CGNL1: variants seen among roughly 807,000 people sequenced by gnomAD.
The protein encoded by CGNL1 is cingulin-like protein 1.
Under a neutral mutation model 141.2 loss-of-function variants are expected in CGNL1, and 132 were observed. The ratio of observed to expected loss-of-function variants is 0.93; its 90% CI spans 0.81 to 1.08. The LOEUF (loss-of-function observed/expected upper bound fraction) is 1.08. Ranked by LOEUF, CGNL1 falls within the 50% of genes least tolerant of loss-of-function variation. CGNL1 has a pLI of 0.00. For missense variants in CGNL1, 1,870 were observed against 1,588.6 expected, an observed-to-expected ratio of 1.18 and a Z score of -3.01; for synonymous variants, 690 against 622.1, an observed-to-expected ratio of 1.11 and a Z score of -1.63.
intron 1 of CGNL1, among the ~76,000 whole-genome samples, chr15:57,419,641 C>T (rs1479751854): frequency 6.6e-6 from 1 of 152,108 alleles, no homozygotes; most frequent in Non-Finnish European, 1.5e-5. Context: ...TATGGGGCTT[C>T]TATGTGGGAG....
intron 8 of CGNL1, among the ~76,000 whole-genome samples, chr15:57,463,126 G>C (rs1186349638): frequency 2.0e-5 from 3 of 152,128 alleles, no homozygotes; most frequent in Non-Finnish European, 2.9e-5. Flanking sequence ...ACTTAATGTG[G>C]TGTATTCTGG....
intron 1 of CGNL1, among the ~76,000 whole-genome samples, chr15:57,380,834 G>A (rs1316901352): frequency 6.6e-6 from 1 of 152,206 alleles, no homozygotes; most frequent in Non-Finnish European, 1.5e-5. Context: ...GGTAAAGTAA[G>A]CTTAGTAGCG....
chr15:57,502,109 A>C (rs1348862577), intron 8 of CGNL1, among the ~76,000 whole-genome samples: 3 of 152,196 alleles, frequency 2.0e-5, no homozygotes, highest in Non-Finnish European at 2.9e-5. Context: ...CTTTGAGAGA[A>C]GACTTAGTAC....
chr15:57,475,447 A>T (rs1408894628), intron 8 of CGNL1, among the ~76,000 whole-genome samples: 1 of 151,992 alleles, frequency 6.6e-6, no homozygotes, highest in East Asian at 1.9e-4. Flanking sequence ...CCAAAATGTC[A>T]ATCATGTCAC....
chr15:57,470,256 C>CTTTTTTTTTTTTTT (rs60982599), intron 8 of CGNL1, among the ~76,000 whole-genome samples: 6 of 113,994 alleles, frequency 5.3e-5, no homozygotes, highest in African/African-American at 1.0e-4. Flanking sequence ...TTTTGTCTCT[C>CTTTTTTTTTTTTTT]TTTTTTTTTT....
intron 1 of CGNL1, among the ~76,000 whole-genome samples, chr15:57,397,993 G>C (rs1214821433): frequency 6.6e-6 from 1 of 152,094 alleles, no homozygotes; most frequent in Non-Finnish European, 1.5e-5. Context: ...ATGTTGGTCA[G>C]GCTGGTCTTG....
intron 14 of CGNL1, among the ~76,000 whole-genome samples, chr15:57,532,750 T>A (rs1396047394): frequency 6.6e-6 from 1 of 152,248 alleles, no homozygotes; most frequent in Non-Finnish European, 1.5e-5. Context: ...GCACCTAACA[T>A]GGTGCTGGCT....
chr15:57,395,141 AC>A (rs1314690951), intron 1 of CGNL1, among the ~76,000 whole-genome samples: 7 of 152,188 alleles, frequency 4.6e-5, no homozygotes, highest in Non-Finnish European at 1.0e-4. Context: ...ACCCCACCAA[AC>A]CAAAAAACCC....
intron 12 of CGNL1, among the ~76,000 whole-genome samples, chr15:57,526,111 A>G (rs1172570442): frequency 6.6e-6 from 1 of 151,980 alleles, no homozygotes; most frequent in Non-Finnish European, 1.5e-5. Flanking sequence ...AAGGAAACTG[A>G]GGTCCAGAGA....
chr15:57,428,436 G>C (rs552179422), intron 1 of CGNL1, among the ~76,000 whole-genome samples: 1 of 152,218 alleles, frequency 6.6e-6, no homozygotes, highest in Non-Finnish European at 1.5e-5. Context: ...CATCAGACAA[G>C]ATGGTACAAA....
chr15:57,484,158 G>A (rs1203239056), intron 8 of CGNL1, among the ~76,000 whole-genome samples: 1 of 152,208 alleles, frequency 6.6e-6, no homozygotes, highest in East Asian at 1.9e-4. Flanking sequence ...TCTATTTTCT[G>A]GAAGAGATTG....
chr15:57,518,358 A>G (rs745666744), intron 9 of CGNL1, 35 bp from the exon 10 acceptor site: 1 of 1,484,256 alleles, frequency 6.7e-7, no homozygotes, highest in Non-Finnish European at 9.4e-7. Context: ...TACAGCACAC[A>G]TCTAAGTGCA....
At chr15:57,514,324 G>T (rs1174257605) in intron 8 of CGNL1, among the ~76,000 whole-genome samples, 12 of 151,984 alleles carry the variant, frequency 7.9e-5, no homozygotes, top group African/African-American at 2.7e-4. Flanking sequence ...GCTGATTTTT[G>T]TATTTTTAGT....
At chr15:57,519,935 A>G (rs542468749) in intron 10 of CGNL1, among the ~76,000 whole-genome samples, 1 of 152,326 alleles carries the variant, frequency 6.6e-6, no homozygotes, top group South Asian at 2.1e-4. Context: ...ATCTGCGCTC[A>G]TAGTGAATTC....
At chr15:57,544,706 G>A in intron 16 of CGNL1, 109 bp downstream of exon 16, 1 of 1,317,308 alleles carries the variant, frequency 7.6e-7, no homozygotes, top group Non-Finnish European at 1.0e-6. Context: ...AGCCTGTGAG[G>A]AAGGCAGAGC....
At position 57,516,910 on chromosome 15, in the gene CGNL1, T is replaced by C; in HGVS notation, c.2534T>C (p.Val845Ala). The C allele has an allele frequency of 6.2e-7, 1 of 1,613,080 alleles. No individual in the cohort carries two copies. Among genetic ancestry groups the C allele is most frequent in the African/African-American group, 1.3e-5 (1 of 74,384 alleles). The change falls in exon 9 of 19, where the codon GTT becomes GCT. Residue 845 changes from valine (V) to alanine (A), a missense_variant. Transcript: ENST00000281282. ...AGAAGCGAAGAGCTGGAGCGGAGAG[T>C]TGCTCAGCTTCAAAGGCAGATCGAG... ...QGRSEELERR[V>A]AQLQRQIEDL...
intron 1 of CGNL1, among the ~76,000 whole-genome samples, chr15:57,417,573 A>G (rs1595681767): frequency 1.3e-5 from 2 of 150,764 alleles, no homozygotes; most frequent in African/African-American, 4.9e-5. Context: ...TCCAAGGTCA[A>G]ATGCTACATT....
intron 8 of CGNL1, among the ~76,000 whole-genome samples, chr15:57,476,043 C>T (rs768138566): frequency 1.3e-5 from 2 of 152,140 alleles, no homozygotes; most frequent in Admixed American, 6.6e-5. Context: ...AAGCATCATG[C>T]GAAATCTGGG....
intron 8 of CGNL1, among the ~76,000 whole-genome samples, chr15:57,506,469 T>TA (rs1323087720): frequency 1.9e-4 from 29 of 152,144 alleles, no homozygotes; most frequent in Admixed American, 1.4e-3. Flanking sequence ...GGAATGGTGT[T>TA]AAAAAAACAA....
Sources: gnomAD v4.1 joint callset for allele counts (sites outside exome capture counted in the v4.1 genomes callset) on GRCh38, gnomAD v4.1.1 for gene constraint, MANE v1.5 for transcripts, NCBI Gene and HGNC (gene_info 2026-07-23, HGNC 2026-07-21) for gene names.